The following GFRA1 variants were observed in gnomAD, a reference collection of about 807,000 sequenced individuals.
GFRA1 encodes GDNF family receptor alpha-1.
In GFRA1, 16 loss-of-function variants were observed where a neutral mutation model predicts 51.6. That is an observed-to-expected ratio of 0.31 (90% confidence interval 0.21 to 0.47). GFRA1 has a LOEUF of 0.47. Ranked by LOEUF, GFRA1 falls within the 20% of genes least tolerant of loss-of-function variation. GFRA1 has a pLI of 1.00. For synonymous variants in GFRA1, 270 were observed against 241.3 expected (o/e 1.12, Z -1.10); for missense variants, 530 against 594.3 (o/e 0.89, Z 1.13).
At chr10:116,244,945 A>C (rs1437340250) in intron 4 of GFRA1, among the ~76,000 whole-genome samples, 1 of 152,206 alleles carries the variant, frequency 6.6e-6, no homozygotes, top group Non-Finnish European at 1.5e-5. Flanking sequence ...CCAACAGGGA[A>C]ACCCTAAAGT....
chr10:116,085,542 T>C (rs1956063595), intron 9 of GFRA1, among the ~76,000 whole-genome samples: 1 of 152,120 alleles, frequency 6.6e-6, no homozygotes, highest in African/African-American at 2.4e-5. Context: ...CGGCAAATGA[T>C]AATTCATCTG....
At position 116,093,766 on chromosome 10, in the gene GFRA1, G is replaced by A; in HGVS notation, c.951C>T (p.Asn317=). The part of the protein sequence containing the change: ...LSVAPWCDCS[N]SGNDLEECLK... ...AGCACTCTTCTAGGTCGTTCCCACT[G>A]TTGCTGCAGTCACACCATGGGGCCA... is the stretch of plus-strand genomic sequence containing the variant. The change falls in exon 8 of 11, where the codon AAC becomes AAT. Residue 317 remains asparagine, a synonymous_variant. Coordinates refer to ENST00000355422, the MANE Select transcript of GFRA1 (RefSeq NM_005264.8). The A allele has an allele frequency of 1.2e-6, 2 of 1,613,520 alleles. No individual in the cohort carries two copies. The highest frequency in any genetic ancestry group is 1.7e-6 in the Non-Finnish European group (2 of 1,179,396).
intron 4 of GFRA1, among the ~76,000 whole-genome samples, chr10:116,260,056 A>G (rs1969186273): frequency 6.6e-6 from 1 of 152,226 alleles, no homozygotes; most frequent in African/African-American, 2.4e-5. Flanking sequence ...CAGTTCTGGG[A>G]TAGGCAGAGT....
chr10:116,163,188 T>C (rs1229338128), intron 5 of GFRA1, among the ~76,000 whole-genome samples: 2 of 152,072 alleles, frequency 1.3e-5, no homozygotes, highest in African/African-American at 2.4e-5. Context: ...GGAAAGAAAA[T>C]ACCATAAAAA....
chr10:116,109,580 C>T (rs982104840), intron 6 of GFRA1, among the ~76,000 whole-genome samples: 1 of 152,184 alleles, frequency 6.6e-6, no homozygotes, highest in African/African-American at 2.4e-5. Context: ...GGCTGTGTTC[C>T]CCCAGAGGGC....
chr10:116,148,023 C>T (rs12778294), intron 5 of GFRA1, among the ~76,000 whole-genome samples: 93 of 136,940 alleles, frequency 6.8e-4, no homozygotes, highest in African/African-American at 1.6e-3. Context: ...CGTGTGTGCG[C>T]GCATGCATGT....
intron 5 of GFRA1, among the ~76,000 whole-genome samples, chr10:116,196,708 ATATATAG>A (rs1963881775): frequency 2.9e-5 from 3 of 104,408 alleles, no homozygotes; most frequent in South Asian, 2.6e-4. Context: ...AATATATATT[ATATATAG>A]TACTATATAT....
At chr10:116,071,037 G>T (rs891089707) in intron 9 of GFRA1, among the ~76,000 whole-genome samples, 5 of 152,208 alleles carry the variant, frequency 3.3e-5, no homozygotes, top group Non-Finnish European at 1.5e-5. Flanking sequence ...GTGGGCTGGG[G>T]TGTTTTTCTT....
intron 4 of GFRA1, among the ~76,000 whole-genome samples, chr10:116,213,532 A>G (rs1965352217): frequency 6.6e-6 from 1 of 152,208 alleles, no homozygotes; most frequent in Non-Finnish European, 1.5e-5. Context: ...AATTTTTAGC[A>G]ATGAACACGC....
intron 6 of GFRA1, among the ~76,000 whole-genome samples, chr10:116,105,232 A>G (rs1397902294): frequency 6.6e-6 from 1 of 152,232 alleles, no homozygotes; most frequent in Non-Finnish European, 1.5e-5. Flanking sequence ...TTAAGAGTAA[A>G]CCTTATCCAA....
In GFRA1 at chr10:116,272,285, A is replaced by T; in HGVS notation, c.-246-10T>A. ...TCAGGTCCGACCCAACCTGGAAGGG[A>T]GGGCGCGCTTTGAGATGAGAGCGGA... On this transcript the variant is annotated splice_polypyrimidine_tract_variant and intron_variant, in intron 1 of 10. Coordinates refer to ENST00000355422, the MANE Select transcript of GFRA1 (RefSeq NM_005264.8). This position sits in a 1 kb window ranked among gnomAD's most constrained non-coding sequence, Gnocchi z 4.4. The T allele has an allele frequency of 1.7e-6, 1 of 577,160 alleles. No individual in the cohort carries two copies. The allele number at this position is 577,160 out of a possible 1,614,324, so 35.8% of individuals were successfully genotyped here.
intron 6 of GFRA1, among the ~76,000 whole-genome samples, chr10:116,098,456 C>T (rs1398032658): frequency 1.3e-5 from 2 of 152,192 alleles, no homozygotes; most frequent in Non-Finnish European, 2.9e-5. Flanking sequence ...CAACTGGCTC[C>T]AATGGCATCC....
chr10:116,162,916 G>A (rs1352089930), intron 5 of GFRA1, among the ~76,000 whole-genome samples: 1 of 152,098 alleles, frequency 6.6e-6, no homozygotes. Context: ...GCTTCCAGTC[G>A]CCTGTCTGAA....
chr10:116,221,566 A>G (rs923754874), intron 4 of GFRA1, among the ~76,000 whole-genome samples: 1 of 152,162 alleles, frequency 6.6e-6, no homozygotes, highest in Middle Eastern at 3.2e-3. Flanking sequence ...CTGGCATTAC[A>G]GGCAGGTGCC....
chr10:116,087,255 A>G (rs1309355720), intron 9 of GFRA1, among the ~76,000 whole-genome samples: 1 of 115,196 alleles, frequency 8.7e-6, no homozygotes, highest in Non-Finnish European at 1.8e-5. Flanking sequence ...GGGGAGCCCA[A>G]GTCAGGATTT....
chr10:116,127,954 A>G, intron 5 of GFRA1, among the ~76,000 whole-genome samples: 1 of 152,234 alleles, frequency 6.6e-6, no homozygotes, highest in East Asian at 1.9e-4. Context: ...ATTGATGTTG[A>G]ATGGCACTTT....
chr10:116,250,394 T>G (rs1279267031), intron 4 of GFRA1, among the ~76,000 whole-genome samples: 3 of 152,158 alleles, frequency 2.0e-5, no homozygotes, highest in Admixed American at 2.0e-4. Context: ...TTTAATTCTG[T>G]TATCCATCCA....
chr10:116,103,990 G>A (rs983932068), intron 6 of GFRA1, among the ~76,000 whole-genome samples: 4 of 151,656 alleles, frequency 2.6e-5, no homozygotes, highest in African/African-American at 9.8e-5. Flanking sequence ...CTGGGGAGCT[G>A]AGGAGCTGAG....
intron 4 of GFRA1, among the ~76,000 whole-genome samples, chr10:116,242,730 C>T (rs921648744): frequency 6.6e-6 from 1 of 152,128 alleles, no homozygotes; most frequent in Non-Finnish European, 1.5e-5. Context: ...GATCCGCCTG[C>T]CTCAGCCTCC....
Sources: allele counts gnomAD v4.1 joint callset (sites outside exome capture counted in the v4.1 genomes callset), GRCh38; gene constraint gnomAD v4.1.1; non-coding constraint Gnocchi (gnomAD v3.1); transcripts MANE v1.5; gene names NCBI Gene and HGNC (gene_info 2026-07-23, HGNC 2026-07-21).